Variants in SATL1 observed in about 807,000 individuals in gnomAD.
The protein encoded by SATL1 is spermidine/spermine N(1)-acetyltransferase-like protein 1.
SATL1 carries 47 observed loss-of-function variants against 51.8 expected under a neutral mutation model. The observed-to-expected ratio is 0.91, with a 90% CI of 0.72 to 1.16. The LOEUF is 1.16. SATL1 is among the 50% of genes most tolerant of loss of function. SATL1 has a pLI of 0.00. For synonymous variants in SATL1, 176 were observed against 182.4 expected (o/e 0.97, Z 0.28); for missense variants, 520 against 526.4 (o/e 0.99, Z 0.12).
intron 2 of SATL1, among the ~76,000 whole-genome samples, chrX:85,131,570 A>G (rs1287788057): frequency 1.8e-5 from 2 of 110,723 alleles, no homozygotes; most frequent in African/African-American, 3.3e-5. Context: ...TCTCCTGAAT[A>G]CAGCACACTG....
intron 2 of SATL1, among the ~76,000 whole-genome samples, chrX:85,196,833 T>C (rs1420336472): frequency 2.7e-5 from 3 of 111,426 alleles, no homozygotes; most frequent in African/African-American, 9.8e-5. Context: ...ACACAACATA[T>C]AAAATTAACT....
intron 2 of SATL1, among the ~76,000 whole-genome samples, chrX:85,223,755 C>T (rs144513790): frequency 7.3e-4 from 81 of 111,522 alleles, no homozygotes; most frequent in Middle Eastern, 4.6e-3. Flanking sequence ...TGGTACTGTG[C>T]CAAACTCCTT....
rs147609035 is a variant in SATL1, at chrX:85,166,275, T to C, written c.-312-56995A>G. Among the ~76,000 whole-genome samples the C allele has an allele frequency of 2.4e-3, 265 of 111,365 alleles. 8 individuals carry two copies. The East Asian group carries it at 0.047, about 20-fold the overall frequency. ...CTGCAACAACAACAAAAGAGATAAA[T>C]AGCTGGGACTTAATTAAACTAAAAA... On this transcript the variant is annotated intron_variant, in intron 2 of 7. Coordinates refer to ENST00000644105, the MANE Select transcript of SATL1 (RefSeq NM_001367857.2).
Position 85,107,647 on chromosome X carries a change from A to C in SATL1, c.1322T>G (p.Met441Arg), listed in dbSNP as rs768645979. The change falls in exon 3 of 8, where the codon ATG becomes AGG. Residue 441 changes from methionine to arginine, a missense_variant. Met to Arg is a moderately conservative substitution (Grantham distance 91). Around this residue, in one of 3 missense-constraint regions of SATL1, gnomAD observed 488 missense variants for 474.3 expected, o/e 1.03. Transcript: ENST00000644105. ...KSPPGMWQRG[M>R]WQPGMSQQVP... The stretch of plus-strand genomic sequence containing the variant: ...TTGCTGGCTCATGCCTGGTTGCCAC[A>C]TGCCTCGTTGCCACATGCCTGGTGG... 1 of 1,211,018 alleles carries C rather than the reference A, an allele frequency of 8.3e-7. No homozygotes were observed. The highest frequency in any genetic ancestry group is 3.0e-5 in the East Asian group (1 of 33,803).
At chrX:85,179,264 T>C (rs1312775586) in intron 2 of SATL1, among the ~76,000 whole-genome samples, 1 of 112,137 alleles carries the variant, frequency 8.9e-6, no homozygotes, top group Non-Finnish European at 1.9e-5. Context: ...ACATTTGATT[T>C]ACTAAACCTT....
intron 2 of SATL1, among the ~76,000 whole-genome samples, chrX:85,193,236 GA>G (rs936714650): frequency 2.8e-4 from 31 of 111,801 alleles, no homozygotes; most frequent in African/African-American, 9.4e-4. Flanking sequence ...TAATGGGGAG[GA>G]AAAATGATGA....
At chrX:85,228,388 G>T (rs772388036) in intron 1 of SATL1, among the ~76,000 whole-genome samples, 1 of 111,003 alleles carries the variant, frequency 9.0e-6, no homozygotes, top group African/African-American at 3.3e-5. Context: ...AATCAGCATA[G>T]AAATGTGCTA....
At chrX:85,193,080 G>A (rs1016004252) in intron 2 of SATL1, among the ~76,000 whole-genome samples, 2 of 111,561 alleles carry the variant, frequency 1.8e-5, no homozygotes, top group African/African-American at 3.3e-5. Flanking sequence ...GTACTTTTAC[G>A]ATATGCAAAT....
intron 2 of SATL1, among the ~76,000 whole-genome samples, chrX:85,185,990 C>T (rs1308077644): frequency 2.7e-5 from 3 of 110,806 alleles, no homozygotes; most frequent in South Asian, 7.8e-4. Flanking sequence ...GCGAGTACCA[C>T]CTGGTTACCA....
intron 2 of SATL1, among the ~76,000 whole-genome samples, chrX:85,152,656 T>C (rs1203931316): frequency 8.9e-6 from 1 of 111,864 alleles, no homozygotes; most frequent in African/African-American, 3.3e-5. Context: ...GATGAGTTCA[T>C]GTCCTTTCTA....
At chrX:85,184,390 G>A (rs756374169) in intron 2 of SATL1, among the ~76,000 whole-genome samples, 1 of 111,233 alleles carries the variant, frequency 9.0e-6, no homozygotes, top group Non-Finnish European at 1.9e-5. Context: ...GAAGTTCTTT[G>A]TTATTATCCT....
intron 2 of SATL1, among the ~76,000 whole-genome samples, chrX:85,144,892 C>A (rs1269936821): frequency 1.8e-5 from 2 of 110,198 alleles, no homozygotes; most frequent in African/African-American, 3.3e-5. Context: ...AATAAAAGAG[C>A]CAAGTGTGGT....
intron 2 of SATL1, among the ~76,000 whole-genome samples, chrX:85,196,893 T>C (rs1264831211): frequency 8.9e-6 from 1 of 111,920 alleles, no homozygotes; most frequent in African/African-American, 3.2e-5. Context: ...ATACAACTCT[T>C]AGAAGAAAAC....
intron 2 of SATL1, among the ~76,000 whole-genome samples, chrX:85,183,001 A>G (rs1434000492): frequency 6.3e-5 from 7 of 111,555 alleles, no homozygotes; most frequent in Admixed American, 1.9e-4. Context: ...TTAGATGAAT[A>G]CTTTGCAAAA....
At chrX:85,178,234 A>G (rs1348008162) in intron 2 of SATL1, among the ~76,000 whole-genome samples, 1 of 111,115 alleles carries the variant, frequency 9.0e-6, no homozygotes, top group Non-Finnish European at 1.9e-5. Flanking sequence ...CAGCCTTGGC[A>G]GATCCCTATG....
intron 2 of SATL1, among the ~76,000 whole-genome samples, chrX:85,157,703 A>G (rs1489335888): frequency 9.0e-6 from 1 of 111,621 alleles, no homozygotes; most frequent in African/African-American, 3.3e-5. Context: ...TATAATGCCC[A>G]TCACTTAGGC....
chrX:85,129,888 G>A (rs1406674292), intron 2 of SATL1, among the ~76,000 whole-genome samples: 1 of 111,730 alleles, frequency 9.0e-6, no homozygotes, highest in Non-Finnish European at 1.9e-5. Context: ...GGCCTTTTCT[G>A]CATCTATTGA....
chrX:85,182,741 C>A (rs937651734), intron 2 of SATL1, among the ~76,000 whole-genome samples: 3 of 111,746 alleles, frequency 2.7e-5, no homozygotes, highest in Admixed American at 9.5e-5. Flanking sequence ...TCCTCACCAG[C>A]ATTTGTTATT....
At chrX:85,157,033 C>T (rs1926616088) in intron 2 of SATL1, among the ~76,000 whole-genome samples, 1 of 106,843 alleles carries the variant, frequency 9.4e-6, no homozygotes, top group Admixed American at 1.0e-4. Flanking sequence ...TCAGAAACGG[C>T]AGCAATGCTT....
Sources: allele counts gnomAD v4.1 joint callset (sites outside exome capture counted in the v4.1 genomes callset), GRCh38; gene constraint gnomAD v4.1.1; regional missense constraint gnomAD v4.1.1; transcripts MANE v1.5; gene names NCBI Gene and HGNC (gene_info 2026-07-23, HGNC 2026-07-21).